The following WDR49 variants were observed in gnomAD, a reference collection of about 807,000 sequenced individuals.
The protein encoded by WDR49 is cilia- and flagella-associated protein 337.
Under a neutral mutation model 119.5 loss-of-function variants are expected in WDR49, and 107 were observed. That is an observed-to-expected ratio of 0.90 (90% CI 0.77 to 1.05). The LOEUF (loss-of-function observed/expected upper bound fraction) is 1.05, where lower values mean the gene tolerates loss of function less well. Ranked by LOEUF, WDR49 falls within the 50% of genes least tolerant of loss-of-function variation. WDR49 has a pLI of 0.00. For synonymous variants in WDR49, 425 were observed against 418.8 expected (o/e 1.01, Z -0.18); for missense variants, 1,240 against 1,220.5 (o/e 1.02, Z -0.24).
chr3:167,534,797 C>A (rs1752967169), intron 11 of WDR49, among the ~76,000 whole-genome samples: 1 of 152,098 alleles, frequency 6.6e-6, no homozygotes, highest in Non-Finnish European at 1.5e-5. Flanking sequence ...TCAAAGCATG[C>A]CTATGAATCA....
chr3:167,622,305 C>T (rs748112013), intron 3 of WDR49, among the ~76,000 whole-genome samples: 6 of 151,740 alleles, frequency 4.0e-5, no homozygotes, highest in Admixed American at 6.6e-5. Flanking sequence ...GAGAGGCCAA[C>T]GCAGGAGGAT....
At position 167,495,221 on chromosome 3, in the gene WDR49, T is replaced by C. The variant is rs540312380; in HGVS notation, c.3031+4932A>G. ...TTTTGGAGTTAGTCAACCAAGACTTTAAAAATTACCATTATAAACATGTTT... is the reference window on the plus strand; with the variant it reads ...TTTTGGAGTTAGTCAACCAAGACTTCAAAAATTACCATTATAAACATGTTT... On this transcript the variant is annotated intron_variant, in intron 18 of 18. Coordinates refer to ENST00000682715, the MANE Select transcript of WDR49 (RefSeq NM_001366157.1). Among the ~76,000 whole-genome samples, 22 of 152,148 alleles carry C rather than the reference T, an allele frequency of 1.4e-4. 1 individual carries two copies. The South Asian group carries it at 4.6e-3, about 32-fold the overall frequency.
chr3:167,535,514 G>A (rs1752989156), intron 11 of WDR49, among the ~76,000 whole-genome samples: 1 of 152,086 alleles, frequency 6.6e-6, no homozygotes, highest in African/African-American at 2.4e-5. Context: ...GATTATCAGG[G>A]AAATACAAAT....
intron 7 of WDR49, among the ~76,000 whole-genome samples, chr3:167,582,506 T>A (rs1714588985): frequency 6.6e-6 from 1 of 152,190 alleles, no homozygotes; most frequent in Admixed American, 6.5e-5. Flanking sequence ...TATACTATTT[T>A]TTTTTAGTTC....
At chr3:167,513,642 C>A (rs1752077342) in intron 16 of WDR49, among the ~76,000 whole-genome samples, 1 of 151,936 alleles carries the variant, frequency 6.6e-6, no homozygotes, top group South Asian at 2.1e-4. Context: ...GGCTAAATAC[C>A]CCAATTAAAA....
rs747672557 is a variant in WDR49 at position 167,478,848 on chromosome 3, T to G, written c.*30A>C. ...TTTTCTGCATTTTATATCTGTACCT[T>G]ATGTAACAGTGAAGGTTTTTCTGTT... On this transcript the variant is annotated 3_prime_UTR_variant, in exon 19 of 19. Transcript: ENST00000682715. 7.0e-7 allele frequency: 1 copy of G among 1,431,228 alleles called. No homozygotes were observed. Among genetic ancestry groups the G allele is most frequent in the East Asian group, 2.3e-5 (1 of 43,480 alleles). 88.7% of individuals were successfully genotyped at this position (1,431,228 alleles called of 1,614,324 possible).
intron 16 of WDR49, among the ~76,000 whole-genome samples, chr3:167,516,080 T>C (rs1752188332): frequency 6.6e-6 from 1 of 152,190 alleles, no homozygotes; most frequent in South Asian, 2.1e-4. Flanking sequence ...ATAGATTCAA[T>C]GCTATTCCCA....
Position 167,500,296 on chromosome 3 carries a change from G to A in WDR49, c.2888C>T (p.Thr963Ile), listed in dbSNP as rs1216074960. The A allele has an allele frequency of 6.9e-6, 11 of 1,605,026 alleles. No individual in the cohort carries two copies. The highest frequency in any genetic ancestry group is 9.3e-6 in the Non-Finnish European group (11 of 1,177,158). Residue 963 changes from threonine (T) to isoleucine (I), a missense_variant, in exon 18 of 19, where the codon ACA becomes ATA. Transcript: ENST00000682715. ...GGCTCCAATGTTTAATGACCTAAAT[G>A]TACCTTCACAACAGCAGGTTTTAGA... is the stretch of plus-strand genomic sequence containing the variant. The part of the protein sequence containing the change: ...YGEVIKKSFS[T>I]FRSLNIGALE...
At chr3:167,601,984 T>C in intron 7 of WDR49, 143 bp downstream of exon 7, 1 of 1,076,552 alleles carries the variant, frequency 9.3e-7, no homozygotes, top group Non-Finnish European at 1.3e-6. Context: ...CTTTTCCAAA[T>C]ATAGACTTCC....
intron 7 of WDR49, among the ~76,000 whole-genome samples, chr3:167,584,649 AGAT>A (rs1200061322): frequency 1.3e-5 from 2 of 152,152 alleles, no homozygotes; most frequent in African/African-American, 4.8e-5. Context: ...TTAGTAATTC[AGAT>A]GATGATAACA....
chr3:167,648,792 G>A (rs1449270998), intron 2 of WDR49, among the ~76,000 whole-genome samples: 1 of 152,142 alleles, frequency 6.6e-6, no homozygotes, highest in Non-Finnish European at 1.5e-5. Flanking sequence ...GGCGGAAGGT[G>A]GGGACAGCCT....
intron 16 of WDR49, among the ~76,000 whole-genome samples, chr3:167,517,745 T>C (rs1481744019): frequency 6.6e-6 from 1 of 151,894 alleles, no homozygotes; most frequent in Non-Finnish European, 1.5e-5. Context: ...TTTTTTATTA[T>C]TATTATACTT....
intron 9 of WDR49, among the ~76,000 whole-genome samples, chr3:167,557,847 A>C (rs891922860): frequency 6.6e-6 from 1 of 152,138 alleles, no homozygotes; most frequent in African/African-American, 2.4e-5. Flanking sequence ...GTTCATAGTG[A>C]GCATGGAATA....
chr3:167,615,506 T>C (rs1012583398), intron 5 of WDR49, among the ~76,000 whole-genome samples: 2 of 152,014 alleles, frequency 1.3e-5, no homozygotes, highest in Non-Finnish European at 2.9e-5. Flanking sequence ...TTTCTTTTGA[T>C]ATTTCTCTTT....
chr3:167,512,499 G>A (rs549971105), intron 16 of WDR49, among the ~76,000 whole-genome samples: 1 of 152,220 alleles, frequency 6.6e-6, no homozygotes, highest in East Asian at 1.9e-4. Flanking sequence ...CCACAAAGAT[G>A]AGAAAAAAAT....
intron 16 of WDR49, among the ~76,000 whole-genome samples, chr3:167,511,873 G>A (rs965550250): frequency 2.6e-5 from 4 of 152,168 alleles, no homozygotes; most frequent in Non-Finnish European, 5.9e-5. Flanking sequence ...GGTGGGACCC[G>A]GATCCATCCC....
At chr3:167,533,683 A>T (rs760248525) in intron 11 of WDR49, among the ~76,000 whole-genome samples, 1 of 152,086 alleles carries the variant, frequency 6.6e-6, no homozygotes, top group Non-Finnish European at 1.5e-5. Flanking sequence ...CTTCACAGAG[A>T]ACAGAGAAAA....
chr3:167,536,318 T>C (rs1753024731), intron 11 of WDR49, among the ~76,000 whole-genome samples: 3 of 152,112 alleles, frequency 2.0e-5, no homozygotes, highest in Non-Finnish European at 4.4e-5. Flanking sequence ...ATACATGTAT[T>C]GAAACATCAT....
chr3:167,633,298 T>C, intron 2 of WDR49: 1 of 373,338 alleles, frequency 2.7e-6, no homozygotes, highest in Non-Finnish European at 5.3e-6. Context: ...TAGCAGCAGA[T>C]GCTAGTTTTT....
Sources: gnomAD v4.1 joint callset for allele counts (sites outside exome capture counted in the v4.1 genomes callset) on GRCh38, gnomAD v4.1.1 for gene constraint, MANE v1.5 for transcripts, NCBI Gene and HGNC (gene_info 2026-07-23, HGNC 2026-07-21) for gene names.